KLHL4: variants seen among roughly 807,000 people sequenced by gnomAD.
KLHL4 encodes kelch-like protein 4.
A neutral mutation model predicts 45.8 loss-of-function variants in KLHL4; 17 were observed. The ratio of observed to expected loss-of-function variants is 0.37; its 90% CI spans 0.25 to 0.56. The LOEUF (loss-of-function observed/expected upper bound fraction) is 0.56. Ranked by LOEUF, KLHL4 falls within the 20% of genes least tolerant of loss-of-function variation. The pLI, the probability that KLHL4 is intolerant of heterozygous loss-of-function variation, is 0.79. For synonymous variants in KLHL4, 224 were observed against 189.9 expected (o/e 1.18, Z -1.47); for missense variants, 544 against 544.9 (o/e 1.00, Z 0.02).
chrX:87,631,408 C>T (rs1923091805), intron 6 of KLHL4, among the ~76,000 whole-genome samples: 1 of 112,059 alleles, frequency 8.9e-6, no homozygotes, highest in Non-Finnish European at 1.9e-5. Flanking sequence ...GGTAATTCCA[C>T]CAAGGATTCT....
At chrX:87,662,298 T>C (rs1302095918) in intron 9 of KLHL4, among the ~76,000 whole-genome samples, 1 of 111,460 alleles carries the variant, frequency 9.0e-6, no homozygotes, top group African/African-American at 3.3e-5. Context: ...AATTAAAAAA[T>C]ATAAAATGAA....
At chrX:87,638,757 C>T (rs1254317254) in intron 9 of KLHL4, among the ~76,000 whole-genome samples, 1 of 111,442 alleles carries the variant, frequency 9.0e-6, no homozygotes, top group African/African-American at 3.3e-5. Context: ...ATACATCTCA[C>T]AGGACATATA....
chrX:87,577,477 A>G (rs1013774679), intron 1 of KLHL4, among the ~76,000 whole-genome samples: 7 of 111,995 alleles, frequency 6.3e-5, no homozygotes, highest in Non-Finnish European at 1.3e-4. Flanking sequence ...TGTTAACATC[A>G]TTCTCAAACA....
At chrX:87,604,720 C>A (rs1207922288) in intron 1 of KLHL4, among the ~76,000 whole-genome samples, 1 of 111,051 alleles carries the variant, frequency 9.0e-6, no homozygotes. Context: ...TGAACATTAT[C>A]TTTTCATTTT....
intron 1 of KLHL4, among the ~76,000 whole-genome samples, chrX:87,551,087 A>G (rs947132932): frequency 9.0e-6 from 1 of 110,525 alleles, no homozygotes; most frequent in Non-Finnish European, 1.9e-5. Flanking sequence ...TGACGATATA[A>G]CCATTTACCT....
intron 1 of KLHL4, among the ~76,000 whole-genome samples, chrX:87,556,726 C>A (rs773821709): frequency 1.8e-5 from 2 of 109,299 alleles, no homozygotes; most frequent in South Asian, 8.1e-4. Context: ...AACAGCTTCA[C>A]ATTGGACCTC....
chrX:87,616,718 A>T (rs1922568373), intron 3 of KLHL4, among the ~76,000 whole-genome samples: 2 of 111,655 alleles, frequency 1.8e-5, no homozygotes, highest in African/African-American at 6.5e-5. Flanking sequence ...ACCAGACCAA[A>T]TTTAAATGTC....
chrX:87,611,123 T>TA (rs1922357384), intron 1 of KLHL4, among the ~76,000 whole-genome samples: 2 of 111,788 alleles, frequency 1.8e-5, no homozygotes, highest in Non-Finnish European at 1.9e-5. Flanking sequence ...CTATTTAAAT[T>TA]AAAAAATTGC....
At chrX:87,613,847 A>C in intron 1 of KLHL4, 30 bp from the exon 2 acceptor site, 1 of 1,076,624 alleles carries the variant, frequency 9.3e-7, no homozygotes, top group Non-Finnish European at 1.2e-6. Flanking sequence ...TATATGATGA[A>C]CCATATTCTC....
chrX:87,644,998 G>A (rs954174871), intron 9 of KLHL4, among the ~76,000 whole-genome samples: 1 of 111,704 alleles, frequency 9.0e-6, no homozygotes, highest in African/African-American at 3.3e-5. Flanking sequence ...AGGCAAGGAT[G>A]TCATGACCAA....
intron 1 of KLHL4, among the ~76,000 whole-genome samples, chrX:87,563,454 T>A (rs6617434): frequency 0.25 from 26,542 of 106,577 alleles, 2,916 homozygotes; most frequent in East Asian, 0.51. Flanking sequence ...AGTGAAATAA[T>A]TAAAAAATCA....
chrX:87,592,491 C>T (rs1422054806), intron 1 of KLHL4, among the ~76,000 whole-genome samples: 3 of 111,689 alleles, frequency 2.7e-5, no homozygotes, highest in African/African-American at 9.7e-5. Flanking sequence ...TGTACAAGGG[C>T]CCCCTTTTCT....
chrX:87,602,544 C>T (rs923945646), intron 1 of KLHL4, among the ~76,000 whole-genome samples: 7 of 111,755 alleles, frequency 6.3e-5, no homozygotes, highest in African/African-American at 2.0e-4. Flanking sequence ...ATTAAAAGTA[C>T]AGTAACATGT....
intron 1 of KLHL4, among the ~76,000 whole-genome samples, chrX:87,525,373 A>G (rs1300554464): frequency 9.0e-6 from 1 of 111,662 alleles, no homozygotes; most frequent in Non-Finnish European, 1.9e-5. Flanking sequence ...AAGAAAAACA[A>G]TGACAGATAT....
chrX:87,618,259 C>T, intron 4 of KLHL4, 131 bp downstream of exon 4: 1 of 450,324 alleles, frequency 2.2e-6, no homozygotes, highest in Non-Finnish European at 3.5e-6. Flanking sequence ...AAACATTTGT[C>T]TGGTTGAGCT....
intron 1 of KLHL4, among the ~76,000 whole-genome samples, chrX:87,530,633 G>T (rs911720112): frequency 8.4e-5 from 9 of 107,443 alleles, no homozygotes; most frequent in Admixed American, 6.1e-4. Flanking sequence ...GTATTCCATG[G>T]TGTATATGTG....
At chrX:87,610,369 A>C in intron 1 of KLHL4, among the ~76,000 whole-genome samples, 1 of 112,011 alleles carries the variant, frequency 8.9e-6, no homozygotes, top group Admixed American at 9.5e-5. Context: ...TTAAATGCAA[A>C]GTTCTATTGA....
At chrX:87,580,664 G>T (rs985779983) in intron 1 of KLHL4, among the ~76,000 whole-genome samples, 3 of 111,727 alleles carry the variant, frequency 2.7e-5, no homozygotes, top group Admixed American at 1.9e-4. Context: ...AATTTATCAA[G>T]AAGATATAAG....
At chrX:87,615,733 G>A (rs757141438) in intron 3 of KLHL4, among the ~76,000 whole-genome samples, 11 of 110,958 alleles carry the variant, frequency 9.9e-5, no homozygotes, top group East Asian at 2.8e-4. Context: ...ACAAAAGATC[G>A]CTTATTTTAT....
Sources: allele counts gnomAD v4.1 joint callset (sites outside exome capture counted in the v4.1 genomes callset), GRCh38; gene constraint gnomAD v4.1.1; transcripts MANE v1.5; gene names NCBI Gene and HGNC (gene_info 2026-07-23, HGNC 2026-07-21).